The following SEPTIN2 variants were observed in gnomAD, a reference collection of about 807,000 sequenced individuals.
SEPTIN2 encodes the protein septin 2.
Under a neutral mutation model 46.5 loss-of-function variants are expected in SEPTIN2, and 34 were observed. That is an observed-to-expected ratio of 0.73 (90% confidence interval 0.56 to 0.97). SEPTIN2 has a LOEUF of 0.97. Among genes scored for constraint, SEPTIN2 ranks in the 50% least tolerant of loss-of-function variants. SEPTIN2 has a pLI of 0.00. For missense variants in SEPTIN2, 347 were observed against 448.4 expected, an observed-to-expected ratio of 0.77 and a Z score of 2.04; for synonymous variants, 175 against 153.4, an observed-to-expected ratio of 1.14 and a Z score of -1.04.
intron 11 of SEPTIN2, 72 bp from the exon 12 acceptor site, chr2:241,350,001 C>A: frequency 6.8e-7 from 1 of 1,459,938 alleles, no homozygotes. Context: ...TTTTAGGAAT[C>A]ACAGAACACC....
chr2:241,351,628 G>C (rs929278752), intron 12 of SEPTIN2: 1 of 152,254 alleles, frequency 6.6e-6, no homozygotes, highest in Non-Finnish European at 1.5e-5. Context: ...ACAGTGGAAA[G>C]AGACAAGGAT....
At chr2:241,350,682 G>A (rs1489859957) in intron 12 of SEPTIN2, among the ~76,000 whole-genome samples, 2 of 152,162 alleles carry the variant, frequency 1.3e-5, no homozygotes, top group Admixed American at 6.5e-5. Flanking sequence ...GATGGTGACT[G>A]CTGACCTCCT....
chr2:241,340,838 C>T (rs1192587311), intron 7 of SEPTIN2, among the ~76,000 whole-genome samples: 2 of 152,164 alleles, frequency 1.3e-5, no homozygotes, highest in Admixed American at 6.5e-5. Context: ...CTACAAGAAC[C>T]TCTTGCCTCC....
intron 7 of SEPTIN2, among the ~76,000 whole-genome samples, chr2:241,339,308 G>A (rs543896465): frequency 3.3e-4 from 50 of 150,848 alleles, no homozygotes; most frequent in African/African-American, 1.1e-3. Flanking sequence ...CAAAAGAATC[G>A]CTTCAACCCA....
intron 2 of SEPTIN2, 81 bp from the exon 3 acceptor site, chr2:241,325,908 ATGTT>A: frequency 7.6e-7 from 1 of 1,319,438 alleles, no homozygotes. Context: ...CTGATAACCT[ATGTT>A]TGTTTCATGT....
rs1005954858 is a variant in SEPTIN2, at chr2:241,352,770, C to G, written c.*833C>G. On this transcript the variant is annotated 3_prime_UTR_variant, in exon 13 of 13. Coordinates refer to ENST00000391971, the MANE Select transcript of SEPTIN2 (RefSeq NM_004404.5). ...TTTCGTATTGCAAATAAGACTCTTACCTACAAAATGAGATTCAGTGAACTA... is the reference window on the plus strand; with the variant it reads ...TTTCGTATTGCAAATAAGACTCTTAGCTACAAAATGAGATTCAGTGAACTA... The G allele has an allele frequency of 5.9e-5, 9 of 152,152 alleles. No homozygotes were observed. The highest frequency in any genetic ancestry group is 1.7e-4 in the African/African-American group (7 of 41,426). 9.4% of individuals were successfully genotyped at this position (152,152 alleles called of 1,614,324 possible).
chr2:241,326,966 TGAGTCCA>T (rs993340387), intron 3 of SEPTIN2, among the ~76,000 whole-genome samples: 1 of 145,364 alleles, frequency 6.9e-6, no homozygotes, highest in Non-Finnish European at 1.5e-5. Flanking sequence ...TCCTCTCACC[TGAGTCCA>T]GGAGGTTGAG....
intron 11 of SEPTIN2, among the ~76,000 whole-genome samples, chr2:241,348,430 C>T (rs1311328376): frequency 6.6e-6 from 1 of 152,108 alleles, no homozygotes; most frequent in African/African-American, 2.4e-5. Context: ...GGGGTTTCAT[C>T]ATGTTGGCCA....
chr2:241,339,251 G>A (rs1052131981), intron 7 of SEPTIN2, among the ~76,000 whole-genome samples: 2 of 150,932 alleles, frequency 1.3e-5, no homozygotes, highest in African/African-American at 4.9e-5. Context: ...AAGTTAGCCG[G>A]GCGTGGTGGC....
intron 7 of SEPTIN2, among the ~76,000 whole-genome samples, chr2:241,340,941 C>T (rs2081181727): frequency 6.6e-6 from 1 of 152,184 alleles, no homozygotes; most frequent in African/African-American, 2.4e-5. Context: ...TGATCCTGTT[C>T]ACTCAGGCTT....
chr2:241,350,516 TA>T (rs2150230243), intron 12 of SEPTIN2, among the ~76,000 whole-genome samples: 1 of 152,376 alleles, frequency 6.6e-6, no homozygotes, highest in African/African-American at 2.4e-5. Context: ...AATTATGTAT[TA>T]AAGCACTTTT....
intron 3 of SEPTIN2, among the ~76,000 whole-genome samples, chr2:241,328,509 G>C (rs2078389351): frequency 6.6e-6 from 1 of 151,236 alleles, no homozygotes; most frequent in Non-Finnish European, 1.5e-5. Flanking sequence ...GGCTGAGGTG[G>C]GCAGATCACC....
At chr2:241,328,111 AAG>A in intron 3 of SEPTIN2, among the ~76,000 whole-genome samples, 1 of 152,044 alleles carries the variant, frequency 6.6e-6, no homozygotes, top group Non-Finnish European at 1.5e-5. Flanking sequence ...GATTGAAGAT[AAG>A]AGGAGTGACC....
Position 241,343,898 on chromosome 2 carries a change from G to GT in SEPTIN2, c.842+2dup. On this transcript the variant is annotated splice_donor_variant, in intron 9 of 12. Transcript: ENST00000391971. LOFTEE classifies it high-confidence loss of function. ...TTCTGAAGCTGAGAACCATGCTCAT[G>GT]TAAGACATTTGGTGTGTTCCTTCTG... 1 of 1,614,152 alleles carries GT rather than the reference G, an allele frequency of 6.2e-7. No individual in the cohort carries two copies. The highest frequency in any genetic ancestry group is 8.5e-7 in the Non-Finnish European group (1 of 1,179,992).
At chr2:241,323,993 C>A (rs1158425900) in intron 1 of SEPTIN2, among the ~76,000 whole-genome samples, 2 of 152,164 alleles carry the variant, frequency 1.3e-5, no homozygotes, top group Non-Finnish European at 2.9e-5. Context: ...ACACAAAAGT[C>A]AGAAAGAATA....
At chr2:241,338,662 T>C (rs1398854297) in intron 7 of SEPTIN2, among the ~76,000 whole-genome samples, 1 of 128,566 alleles carries the variant, frequency 7.8e-6, no homozygotes, top group Non-Finnish European at 1.6e-5. Context: ...ATATATATTA[T>C]ATCTATATTA....
chr2:241,324,176 AT>A, intron 1 of SEPTIN2, 39 bp from the exon 2 acceptor site: 3 of 1,596,588 alleles, frequency 1.9e-6, no homozygotes, highest in Non-Finnish European at 2.6e-6. Flanking sequence ...CATACTATGT[AT>A]GTGCGTTTAT....
intron 1 of SEPTIN2, among the ~76,000 whole-genome samples, chr2:241,318,011 T>C (rs116313519): frequency 6.6e-6 from 1 of 152,264 alleles, no homozygotes; most frequent in African/African-American, 2.4e-5. Context: ...ATCAAGGCTT[T>C]CTCACTGAAA....
intron 3 of SEPTIN2, among the ~76,000 whole-genome samples, chr2:241,328,944 C>G (rs181894082): frequency 7.1e-6 from 1 of 140,842 alleles, no homozygotes; most frequent in Non-Finnish European, 1.6e-5. Context: ...CACTTGAACC[C>G]GGGAGGTGGA....
Sources: gnomAD v4.1 joint callset for allele counts (sites outside exome capture counted in the v4.1 genomes callset) on GRCh38, gnomAD v4.1.1 for gene constraint, MANE v1.5 for transcripts, NCBI Gene and HGNC (gene_info 2026-07-23, HGNC 2026-07-21) for gene names.